Variants in MNAT1 observed in about 807,000 individuals in gnomAD.
MNAT1 encodes the protein MNAT1 component of CDK activating kinase.
In MNAT1, 43 loss-of-function variants were observed where a neutral mutation model predicts 42.0. The observed-to-expected ratio is 1.02, with a 90% CI of 0.80 to 1.32. The LOEUF is 1.32. MNAT1 is among the 40% of genes most tolerant of loss of function. The pLI, the probability that MNAT1 is intolerant of heterozygous loss-of-function variation, is 0.00. For missense variants in MNAT1, 306 were observed against 350.4 expected, an observed-to-expected ratio of 0.87 and a Z score of 1.01; for synonymous variants, 118 against 120.0, an observed-to-expected ratio of 0.98 and a Z score of 0.11.
intron 6 of MNAT1, among the ~76,000 whole-genome samples, chr14:60,839,355 G>A (rs1319025837): frequency 1.3e-5 from 2 of 152,160 alleles, no homozygotes; most frequent in East Asian, 3.9e-4. Context: ...GCTGAGAGCT[G>A]GACACTTGTC....
chr14:60,877,826 T>G (rs1253277320), intron 6 of MNAT1, among the ~76,000 whole-genome samples: 1 of 152,090 alleles, frequency 6.6e-6, no homozygotes, highest in Non-Finnish European at 1.5e-5. Flanking sequence ...GGTCTTTGTA[T>G]TTTAGTTATC....
At chr14:60,891,466 TGAGACAA>T (rs2034842368) in intron 7 of MNAT1, among the ~76,000 whole-genome samples, 1 of 152,122 alleles carries the variant, frequency 6.6e-6, no homozygotes, top group African/African-American at 2.4e-5. Flanking sequence ...GTTTTTTTTT[TGAGACAA>T]AGTCTTGCTG....
intron 7 of MNAT1, among the ~76,000 whole-genome samples, chr14:60,952,744 G>A (rs4151393): frequency 0.19 from 28,460 of 152,060 alleles, 3,435 homozygotes; most frequent in Middle Eastern, 0.27. Flanking sequence ...AAACATATTG[G>A]ACTATAATTA....
intron 7 of MNAT1, among the ~76,000 whole-genome samples, chr14:60,966,926 T>C (rs189985624): frequency 1.3e-4 from 20 of 152,190 alleles, no homozygotes; most frequent in Admixed American, 1.2e-3. Context: ...TATAGTACAT[T>C]AGTATTCTAC....
At chr14:60,890,209 C>T (rs139022261) in intron 7 of MNAT1, among the ~76,000 whole-genome samples, 1,744 of 152,256 alleles carry the variant, frequency 0.011, 33 homozygotes, top group African/African-American at 0.04. Context: ...GCCAAATGTC[C>T]AACAATGATA....
In MNAT1 at chr14:60,852,302, T is replaced by A. The variant is rs556376545; in HGVS notation, c.688-27412T>A. ...ATGACCAGTGATAATGAGCCTTTTT[T>A]AATGTTTGTTGGCTGCATAAATGTC... On this transcript the variant is annotated intron_variant, in intron 6 of 7. Transcript: ENST00000261245. Among the ~76,000 whole-genome samples the A allele has an allele frequency of 1.1e-4, 17 of 152,336 alleles. No homozygotes were observed. The East Asian group carries it at 2.7e-3, about 24-fold the overall frequency.
chr14:60,937,462 A>G (rs1244046020), intron 7 of MNAT1, among the ~76,000 whole-genome samples: 1 of 152,220 alleles, frequency 6.6e-6, no homozygotes, highest in African/African-American at 2.4e-5. Context: ...CAGTTTTCTC[A>G]GCACCATTTG....
intron 6 of MNAT1, among the ~76,000 whole-genome samples, chr14:60,851,874 C>T (rs1358570071): frequency 1.3e-5 from 2 of 152,130 alleles, no homozygotes; most frequent in Non-Finnish European, 2.9e-5. Context: ...CTGCAAAGGA[C>T]ATGAACTCTT....
chr14:60,940,506 C>T (rs1413425925), intron 7 of MNAT1, among the ~76,000 whole-genome samples: 3 of 152,230 alleles, frequency 2.0e-5, no homozygotes, highest in East Asian at 1.9e-4. Context: ...CAAGCTCTGC[C>T]TCCCAGGTTC....
At chr14:60,913,065 TTTCA>T (rs1355928103) in intron 7 of MNAT1, among the ~76,000 whole-genome samples, 1 of 152,206 alleles carries the variant, frequency 6.6e-6, no homozygotes, top group Non-Finnish European at 1.5e-5. Context: ...TCACGCTTCA[TTTCA>T]TTCATTTCAT....
intron 6 of MNAT1, among the ~76,000 whole-genome samples, chr14:60,829,138 A>G (rs1385177861): frequency 6.6e-6 from 1 of 152,126 alleles, no homozygotes; most frequent in Admixed American, 6.5e-5. Flanking sequence ...TTCCCAACAC[A>G]CTAATTACAA....
rs1354845280 is a variant in MNAT1 at position 60,734,913 on chromosome 14, C to T, written c.51C>T (p.Pro17=). The change falls in exon 1 of 8, where the codon CCC becomes CCT. Residue 17 remains proline (P), a synonymous_variant. Transcript: ENST00000261245. This position sits in a 1 kb window ranked among gnomAD's most constrained non-coding sequence, Gnocchi z 4.3. ...GTAAGACCACCAAATATCGGAACCCCTCCTTGAAGCTGATGGTGAATGTGT... is the reference window on the plus strand; with the variant it reads ...GTAAGACCACCAAATATCGGAACCCTTCCTTGAAGCTGATGGTGAATGTGT... ...PRCKTTKYRN[P]SLKLMVNVCG... is the part of the protein sequence containing the mutation. 1 of 1,614,164 alleles carries T rather than the reference C, an allele frequency of 6.2e-7. No homozygotes were observed. The highest frequency in any genetic ancestry group is 1.1e-5 in the South Asian group (1 of 91,076).
chr14:60,899,759 T>C (rs1018405647), intron 7 of MNAT1, among the ~76,000 whole-genome samples: 1 of 152,170 alleles, frequency 6.6e-6, no homozygotes, highest in Non-Finnish European at 1.5e-5. Flanking sequence ...AAAATACAGG[T>C]GTACCTCATT....
rs978183146 is a variant in MNAT1 at position 60,815,106 on chromosome 14, C to T, written c.561+2979C>T. ...AATTGAATTAATCCCAAATATAGAA[C>T]TTTGATAGAAAATATGCTTTTAACA... On this transcript the variant is annotated intron_variant, in intron 5 of 7. Transcript: ENST00000261245. Among the ~76,000 whole-genome samples, 3 of 151,970 alleles carry T rather than the reference C, an allele frequency of 2.0e-5. No homozygotes were observed. In the South Asian group the frequency reaches 6.2e-4, roughly 31 times the overall value.
At chr14:60,748,351 C>T (rs1288772131) in intron 1 of MNAT1, among the ~76,000 whole-genome samples, 1 of 152,150 alleles carries the variant, frequency 6.6e-6, no homozygotes, top group Non-Finnish European at 1.5e-5. Flanking sequence ...CAGCTGTAGC[C>T]TTCTGAATAG....
intron 7 of MNAT1, among the ~76,000 whole-genome samples, chr14:60,939,781 G>A (rs868257347): frequency 6.6e-6 from 1 of 152,092 alleles, no homozygotes; most frequent in East Asian, 1.9e-4. Context: ...AGTTCCTGGA[G>A]AGCCTTGTTA....
At chr14:60,955,949 AAAAC>A (rs2036480701) in intron 7 of MNAT1, among the ~76,000 whole-genome samples, 1 of 152,026 alleles carries the variant, frequency 6.6e-6, no homozygotes, top group Non-Finnish European at 1.5e-5. Flanking sequence ...TGTTTTTAAA[AAAAC>A]CAACTTTTAG....
intron 3 of MNAT1, among the ~76,000 whole-genome samples, chr14:60,802,291 ATGTAT>A (rs1438475197): frequency 3.9e-5 from 6 of 152,194 alleles, no homozygotes; most frequent in South Asian, 2.1e-4. Flanking sequence ...ATTAATAATA[ATGTAT>A]TGTATATTTC....
chr14:60,892,713 C>T (rs1355727096), intron 7 of MNAT1, among the ~76,000 whole-genome samples: 3 of 151,832 alleles, frequency 2.0e-5, no homozygotes. Context: ...TTTTTTAGTG[C>T]CACATTGAAA....
Sources: allele counts gnomAD v4.1 joint callset (sites outside exome capture counted in the v4.1 genomes callset), GRCh38; gene constraint gnomAD v4.1.1; non-coding constraint Gnocchi (gnomAD v3.1); transcripts MANE v1.5; gene names NCBI Gene and HGNC (gene_info 2026-07-23, HGNC 2026-07-21).